The following COL2A1 variants were observed in gnomAD, a reference collection of about 807,000 sequenced individuals.
COL2A1 encodes collagen type II alpha 1 chain, also known as collagen alpha-1(II) chain.
COL2A1 carries 28 observed loss-of-function variants against 204.5 expected under a neutral mutation model. The ratio of observed to expected loss-of-function variants is 0.14; its 90% CI spans 0.10 to 0.19. The LOEUF (loss-of-function observed/expected upper bound fraction) is 0.19, where lower values mean the gene tolerates loss of function less well. Ranked by LOEUF, COL2A1 falls within the 10% of genes least tolerant of loss-of-function variation. COL2A1 has a pLI of 1.00. For missense variants in COL2A1, 1,388 were observed against 2,027.5 expected (o/e 0.68, Z 6.06); for synonymous variants, 708 against 718.7 (o/e 0.99, Z 0.24).
chr12:48,001,702 C>T (rs531357964), intron 1 of COL2A1, among the ~76,000 whole-genome samples: 15 of 152,292 alleles, frequency 9.8e-5, no homozygotes, highest in Non-Finnish European at 1.9e-4. Flanking sequence ...GCTCTGGACA[C>T]GGCTCGCTCA....
In COL2A1 at chr12:47,984,470, G is replaced by A. The variant is rs529218150; in HGVS notation, c.1887+76C>T. ...CTGAGGGGTCCCGGGACCATGCCAT[G>A]GGGAGGCCGTTCCCCTGTCCTCCCT... On this transcript the variant is annotated intron_variant, in intron 28 of 53. Coordinates refer to ENST00000380518, the MANE Select transcript of COL2A1 (RefSeq NM_001844.5). 3.4e-6 allele frequency: 5 copies of A among 1,450,286 alleles called. No homozygotes were observed. The Admixed American group carries it at 6.8e-5, about 20-fold the overall frequency. The allele number at this position is 1,450,286 out of a possible 1,614,324, so 89.8% of individuals were successfully genotyped here. A position where few individuals can be genotyped will look rare whatever the true frequency, so the allele number is the denominator to read the frequency against.
chr12:47,986,021 G>A (rs1457126229), intron 23 of COL2A1, 56 bp from the exon 24 acceptor site: 20 of 1,503,732 alleles, frequency 1.3e-5, no homozygotes, highest in Non-Finnish European at 3.6e-6. Flanking sequence ...ACCCAGCCAG[G>A]CTCCAGTGGG....
At chr12:47,983,293 G>A in intron 31 of COL2A1, 92 bp downstream of exon 31, 2 of 1,501,708 alleles carry the variant, frequency 1.3e-6, no homozygotes, top group Non-Finnish European at 1.8e-6. Context: ...GGCCTCACAG[G>A]GCTCCTCATG....
At chr12:47,989,899 G>C in intron 16 of COL2A1, 94 bp from the exon 17 acceptor site, 1 of 1,212,842 alleles carries the variant, frequency 8.2e-7, no homozygotes, top group Non-Finnish European at 1.2e-6. Context: ...AGGACACACT[G>C]TGCCTGGGGT....
chr12:47,977,392 A>C lies in COL2A1; in HGVS notation c.3201T>G (p.Pro1067=), dbSNP rs1207343311. Residue 1067 remains proline, a synonymous_variant, in exon 46 of 54, where the codon CCT becomes CCG. Coordinates refer to ENST00000380518, the MANE Select transcript of COL2A1 (RefSeq NM_001844.5). ...DRGETGAVGA[P]GAPGPPGSPG... ...GGGAGCCAGGGGGCCCAGGGGCTCC[A>C]GGAGCTCCCACAGCACCAGTCTCAC... The C allele has an allele frequency of 1.2e-6, 2 of 1,612,906 alleles. No homozygotes were observed. Among genetic ancestry groups the C allele is most frequent in the Non-Finnish European group, 1.7e-6 (2 of 1,179,238 alleles).
At position 47,983,030 on chromosome 12, in the gene COL2A1, C is replaced by CAGG. The variant is rs1939183539; in HGVS notation, c.2094+60_2094+62dup. 5.0e-6 allele frequency: 8 copies of CAGG among 1,607,622 alleles called. No individual in the cohort carries two copies. The East Asian group carries it at 1.8e-4, about 36-fold the overall frequency. ...AGAAGCAGGGAGGTGGGGAAAGGAGCAGGAGCATAGGACCCAGGGCAGGCC... is the reference window on the plus strand; with the variant it reads ...AGAAGCAGGGAGGTGGGGAAAGGAGCAGGAGGAGCATAGGACCCAGGGCAGGCC... On this transcript the variant is annotated intron_variant, in intron 32 of 53. Coordinates refer to ENST00000380518, the MANE Select transcript of COL2A1 (RefSeq NM_001844.5).
intron 11 of COL2A1, among the ~76,000 whole-genome samples, chr12:47,994,829 T>C (rs2023939): frequency 0.56 from 85,906 of 152,140 alleles, 25,247 homozygotes; most frequent in Non-Finnish European, 0.67. Flanking sequence ...AGAGTGCCAA[T>C]TCTTGTCTCT....
Position 47,996,685 on chromosome 12 carries a change from T to C in COL2A1, c.532-60A>G. ...AGGCACTAGGTCTTCCCTACTTGGC[T>C]AGGTAAGCTCTATATGGATACAAAG... On this transcript the variant is annotated intron_variant, in intron 7 of 53. Transcript: ENST00000380518. 4 of 1,375,070 alleles carry C rather than the reference T, an allele frequency of 2.9e-6. No individual in the cohort carries two copies. The South Asian group carries it at 4.6e-5, about 16-fold the overall frequency. 85.2% of individuals were successfully genotyped at this position (1,375,070 alleles called of 1,614,324 possible).
chr12:48,004,749 C>T (rs1055716822), upstream of COL2A1, among the ~76,000 whole-genome samples: 1 of 152,130 alleles, frequency 6.6e-6, no homozygotes, highest in Admixed American at 6.5e-5. Flanking sequence ...CCCGGGGCTG[C>T]GGCGCTGCCC....
chr12:47,979,387 C>T (rs1023138361), intron 41 of COL2A1, 124 bp downstream of exon 41: 1 of 1,023,232 alleles, frequency 9.8e-7, no homozygotes, highest in Non-Finnish European at 1.5e-6. Flanking sequence ...TTAGCTACTC[C>T]TCCAGGGGGC....
intron 28 of COL2A1, 24 bp downstream of exon 28, chr12:47,984,522 T>G: frequency 6.2e-7 from 1 of 1,613,774 alleles, no homozygotes; most frequent in Non-Finnish European, 8.5e-7. Context: ...CACCAAGTCA[T>G]GGGCAGCGGG....
rs771799983 is a variant in COL2A1, at chr12:47,983,733, G to T, written c.1945C>A (p.Pro649Thr). 1.3e-6 allele frequency: 2 copies of T among 1,589,370 alleles called. No individual in the cohort carries two copies. Among genetic ancestry groups the T allele is most frequent in the African/African-American group, 1.3e-5 (1 of 74,680 alleles). Residue 649 changes from proline to threonine, a missense_variant, in exon 30 of 54, where the codon CCT becomes ACT. Physicochemically the swap from Pro to Thr is conservative, Grantham distance 38. Around this residue, in one of 3 missense-constraint regions of COL2A1, gnomAD observed 884 missense variants for 1,415.8 expected, o/e 0.62. Transcript: ENST00000380518. ...CCCTGCTCGCCTCGTTCACCAGCAG[G>T]TCCCTGCAGTGGAAAAGAAAAGGTG... Reference protein sequence around the residue: ...GAAGPPGPAGPAGERGEQGAP... With the variant: ...GAAGPPGPAGTAGERGEQGAP...
intron 36 of COL2A1, 29 bp from the exon 37 acceptor site, chr12:47,981,425 G>A (rs1939074907): frequency 6.3e-7 from 1 of 1,598,606 alleles, no homozygotes; most frequent in South Asian, 1.1e-5. Flanking sequence ...GGAAGAGCTG[G>A]GGTAAGAAGG....
intron 1 of COL2A1, 110 bp from the exon 2 acceptor site, chr12:48,000,235 A>G (rs1940170255): frequency 1.3e-6 from 1 of 785,350 alleles, no homozygotes; most frequent in Non-Finnish European, 2.2e-6. Flanking sequence ...TCAAATGCTG[A>G]AGAATGTAGG....
In COL2A1 at chr12:48,004,369, A is replaced by G. The variant is rs1940377552; in HGVS notation, c.-48T>C. 8.3e-7 allele frequency: 1 copy of G among 1,204,128 alleles called. No homozygotes were observed. Among genetic ancestry groups the G allele is most frequent in the Admixed American group, 2.0e-5 (1 of 49,556 alleles). The allele number at this position is 1,204,128 out of a possible 1,614,324, so 74.6% of individuals were successfully genotyped here. Reference sequence around the variant, plus strand: ...AGCCGGGCCCGGGCGGAGCGCAGCGAAACGGCAGGAGCACGGCGCGGGTCC... The same window carrying G: ...AGCCGGGCCCGGGCGGAGCGCAGCGGAACGGCAGGAGCACGGCGCGGGTCC... On this transcript the variant is annotated 5_prime_UTR_variant, in exon 1 of 54. Transcript: ENST00000380518.
At chr12:48,004,775 CG>C (rs1382862743), upstream of COL2A1, among the ~76,000 whole-genome samples, 1 of 152,166 alleles carries the variant, frequency 6.6e-6, no homozygotes, top group Admixed American at 6.5e-5. Context: ...TGACCACAGG[CG>C]GGAAGGGTGG....
chr12:47,993,616 C>A, intron 14 of COL2A1, 114 bp from the exon 15 acceptor site: 1 of 1,139,096 alleles, frequency 8.8e-7, no homozygotes, highest in Non-Finnish European at 1.3e-6. Context: ...ACACAAACTT[C>A]AGTCCTGTGA....
intron 18 of COL2A1, chr12:47,988,595 AC>A (rs958162536): frequency 6.3e-6 from 1 of 158,658 alleles, no homozygotes; most frequent in Non-Finnish European, 1.4e-5. Context: ...TGCCATGGAA[AC>A]CCCCAGGAGG....
rs570366731 is a variant in COL2A1, at chr12:47,999,959, C to T, written c.252G>A (p.Glu84=). 1.9e-6 allele frequency: 3 copies of T among 1,614,216 alleles called. No homozygotes were observed. The South Asian group carries it at 3.3e-5, about 18-fold the overall frequency. ...GGTCAGTTGGGCAGATGGGGCAGCA[C>T]TCTCCGAAGGGGATCTCAGGGCTGA... ...DCLSPEIPFG[E]CCPICPTDLA... is the part of the protein sequence containing the mutation. The change falls in exon 2 of 54, where the codon GAG becomes GAA. Residue 84 remains glutamate, a synonymous_variant. Transcript: ENST00000380518.
Sources: allele counts gnomAD v4.1 joint callset (sites outside exome capture counted in the v4.1 genomes callset), GRCh38; gene constraint gnomAD v4.1.1; regional missense constraint gnomAD v4.1.1; transcripts MANE v1.5; gene names NCBI Gene and HGNC (gene_info 2026-07-23, HGNC 2026-07-21).